The following SLC66A1 variants were observed in gnomAD, a reference collection of about 807,000 sequenced individuals.
SLC66A1 encodes the protein solute carrier family 66 member 1, also known as lysosomal amino acid transporter 1 homolog.
In SLC66A1, 23 loss-of-function variants were observed where a neutral mutation model predicts 33.0. That is an observed-to-expected ratio of 0.70 (90% confidence interval 0.50 to 0.99). SLC66A1 has a LOEUF of 0.99. Among genes scored for constraint, SLC66A1 ranks in the 50% least tolerant of loss-of-function variants. SLC66A1 has a pLI of 0.00. For synonymous variants in SLC66A1, 164 were observed against 175.5 expected (o/e 0.93, Z 0.52); for missense variants, 335 against 383.6 (o/e 0.87, Z 1.06).
chr1:19,313,218 T>A, intron 1 of SLC66A1: 1 of 985,382 alleles, frequency 1.0e-6, no homozygotes, highest in Non-Finnish European at 1.2e-6. Flanking sequence ...ATCGGGCAGG[T>A]CTGTTCCAGA....
At chr1:19,326,910 AGAG>A (rs1035936243) in intron 6 of SLC66A1, among the ~76,000 whole-genome samples, 1 of 151,042 alleles carries the variant, frequency 6.6e-6, no homozygotes, top group African/African-American at 2.4e-5. Context: ...GCCTGAGGGG[AGAG>A]GAGAAGCTGG....
rs575498436 is a variant in SLC66A1, at chr1:19,318,880, G to T, written c.164+1039G>T. On this transcript the variant is annotated intron_variant, in intron 2 of 7. Transcript: ENST00000375153. ...AAAGCCAAGGATAGGACAGCATTGGGGGTGAGAGCCAGGGGCTGAGTGTGG... is the reference window on the plus strand; with the variant it reads ...AAAGCCAAGGATAGGACAGCATTGGTGGTGAGAGCCAGGGGCTGAGTGTGG... Among the ~76,000 whole-genome samples the T allele has an allele frequency of 3.6e-4, 55 of 152,334 alleles. 2 individuals are homozygous for T. The South Asian group carries it at 0.011, about 30-fold the overall frequency.
In SLC66A1 at chr1:19,325,146, G is replaced by C. The variant is rs147157451; in HGVS notation, c.295-349G>C. Among the ~76,000 whole-genome samples, 594 of 152,346 alleles carry C rather than the reference G, an allele frequency of 3.9e-3. 1 individual carries two copies. The highest frequency in any genetic ancestry group is 6.2e-3 in the Non-Finnish European group (423 of 68,026). On this transcript the variant is annotated intron_variant, in intron 3 of 7. Transcript: ENST00000375153. Reference sequence around the variant, plus strand: ...CAGAGCTGGGGCTCCCAATCAGGAAGGCATTGTCTTCCCATGTGGGACCAG... The same window carrying C: ...CAGAGCTGGGGCTCCCAATCAGGAACGCATTGTCTTCCCATGTGGGACCAG...
chr1:19,327,538 T>TCCCTCCCC (rs2093875290), intron 7 of SLC66A1, 126 bp downstream of exon 7: 5 of 884,888 alleles, frequency 5.7e-6, no homozygotes, highest in South Asian at 3.2e-5. Flanking sequence ...CATCCCTCCC[T>TCCCTCCCC]CCCTCCCTCC....
At chr1:19,333,935 A>AAACAC (rs1553264967), downstream of SLC66A1, among the ~76,000 whole-genome samples, 3,301 of 111,326 alleles carry the variant, frequency 0.03, 208 homozygotes, top group African/African-American at 0.095. This position sits in a 1 kb window ranked among gnomAD's most constrained non-coding sequence, Gnocchi z 4.2. Context: ...AAACAAAACA[A>AAACAC]AACACAGGAA....
rs928217360 is a variant in SLC66A1, at chr1:19,312,565, A to G, written c.-403A>G. ...CCGCAGCCAGTGGCCCCCCACCTCA[A>G]AGGCGACCAGCGCGGCCTCTCGAGC... On this transcript the variant is annotated 5_prime_UTR_variant, in exon 1 of 8. Transcript: ENST00000375153. The G allele has an allele frequency of 6.5e-6, 1 of 152,764 alleles. No individual in the cohort carries two copies. The highest frequency in any genetic ancestry group is 1.5e-5 in the Non-Finnish European group (1 of 68,416). 9.5% of individuals were successfully genotyped at this position (152,764 alleles called of 1,614,324 possible). A position where few individuals can be genotyped will look rare whatever the true frequency, so the allele number is the denominator to read the frequency against.
chr1:19,313,094 C>G, intron 1 of SLC66A1: 2 of 605,978 alleles, frequency 3.3e-6, no homozygotes, highest in Non-Finnish European at 4.1e-6. Context: ...ATCGCTTGGC[C>G]TGGATTGTCT....
At chr1:19,325,041 C>T (rs1201555149) in intron 3 of SLC66A1, among the ~76,000 whole-genome samples, 2 of 152,214 alleles carry the variant, frequency 1.3e-5, no homozygotes, top group African/African-American at 4.8e-5. Flanking sequence ...GCTGGCGAAG[C>T]TTTCAGAGGG....
chr1:19,324,387 G>A (rs1448763285), intron 2 of SLC66A1, among the ~76,000 whole-genome samples: 1 of 152,222 alleles, frequency 6.6e-6, no homozygotes, highest in Non-Finnish European at 1.5e-5. Flanking sequence ...GTAAGGCTGC[G>A]GCTTTCCCTG....
chr1:19,328,840 C>T lies in SLC66A1; in HGVS notation c.*197C>T, dbSNP rs903391383. 3.2e-6 allele frequency: 2 copies of T among 620,242 alleles called. No homozygotes were observed. The highest frequency in any genetic ancestry group is 5.6e-6 in the Non-Finnish European group (2 of 355,366). The allele number at this position is 620,242 out of a possible 1,614,324, so 38.4% of individuals were successfully genotyped here. ...CTCAAGGCCGGGGCTGGAGCGGAGA[C>T]CCCAGGGCCTCTCAGGAGACAGTGA... On this transcript the variant is annotated 3_prime_UTR_variant, in exon 8 of 8. Transcript: ENST00000375153. This position sits in a 1 kb window ranked among gnomAD's most constrained non-coding sequence, Gnocchi z 4.7.
chr1:19,323,590 A>G (rs1414161007), intron 2 of SLC66A1, among the ~76,000 whole-genome samples: 3 of 151,974 alleles, frequency 2.0e-5, no homozygotes, highest in Non-Finnish European at 2.9e-5. Context: ...TATTTTTGGT[A>G]GAGATGGGGT....
At chr1:19,330,445 G>A (rs1160225457), downstream of SLC66A1, among the ~76,000 whole-genome samples, 1 of 152,180 alleles carries the variant, frequency 6.6e-6, no homozygotes, top group Admixed American at 6.6e-5. Context: ...GTCAGACACC[G>A]GGGCTGTGGT....
chr1:19,327,286 G>A lies in SLC66A1; in HGVS notation c.678G>A (p.Gly226=). The part of the protein sequence containing the change: ...SYSLFALVML[G]NTLYGLSVLL... ...CTCTGTTCGCGCTGGTGATGCTGGG[G>A]AACACGCTGTATGGGCTGAGCGTGC... The change falls in exon 7 of 8, where the codon GGG becomes GGA. Residue 226 remains glycine, a synonymous_variant. Transcript: ENST00000375153. 1 of 1,613,874 alleles carries A rather than the reference G, an allele frequency of 6.2e-7. No homozygotes were observed. The highest frequency in any genetic ancestry group is 8.5e-7 in the Non-Finnish European group (1 of 1,179,896).
intron 2 of SLC66A1, 62 bp downstream of exon 2, chr1:19,317,903 C>A: frequency 6.4e-7 from 1 of 1,572,038 alleles, no homozygotes; most frequent in South Asian, 1.2e-5. Context: ...GTGGCTCCAG[C>A]TACTGCTCAG....
Position 19,327,382 on chromosome 1 carries a change from C to T in SLC66A1, c.774C>T (p.Gly258=), listed in dbSNP as rs752709168. The T allele has an allele frequency of 6.2e-7, 1 of 1,601,904 alleles. No homozygotes were observed. Among genetic ancestry groups the T allele is most frequent in the Non-Finnish European group, 8.5e-7 (1 of 1,173,968 alleles). The part of the protein sequence containing the change: ...YLLHHLPWLV[G]SLGVLLLDTI... ...TGCACCACCTGCCCTGGCTTGTGGG[C>T]AGCCTGGGCGTGCTGCTGCTCGACA... The change falls in exon 7 of 8, where the codon GGC becomes GGT. Residue 258 remains glycine, a synonymous_variant. Coordinates refer to ENST00000375153, the MANE Select transcript of SLC66A1 (RefSeq NM_001040125.2).
Position 19,328,569 on chromosome 1 carries a change from C to G in SLC66A1, c.805-3C>G, listed in dbSNP as rs768571068. On this transcript the variant is annotated splice_polypyrimidine_tract_variant and splice_region_variant and intron_variant, in intron 7 of 7. Coordinates refer to ENST00000375153, the MANE Select transcript of SLC66A1 (RefSeq NM_001040125.2). This position sits in a 1 kb window ranked among gnomAD's most constrained non-coding sequence, Gnocchi z 4.7. ...AGCTTGGCCTTAACGGCGGCACCCC[C>G]AGATCTCCATCCAGTTCCTGGTGTA... The G allele has an allele frequency of 3.1e-6, 5 of 1,613,016 alleles. No homozygotes were observed. Among genetic ancestry groups the G allele is most frequent in the Non-Finnish European group, 2.5e-6 (3 of 1,179,756 alleles).
chr1:19,325,458 A>G (rs1225929803), intron 3 of SLC66A1, 37 bp from the exon 4 acceptor site: 2 of 1,477,390 alleles, frequency 1.4e-6, no homozygotes, highest in East Asian at 2.3e-5. Context: ...AGATCCTGGG[A>G]CTGCGCCAAC....
chr1:19,324,805 C>T, intron 3 of SLC66A1, 43 bp downstream of exon 3: 6 of 1,607,170 alleles, frequency 3.7e-6, no homozygotes, highest in Non-Finnish European at 5.1e-6. Context: ...CCTAACCCTG[C>T]TTCACCCTGC....
At chr1:19,315,795 G>A (rs1388042373) in intron 1 of SLC66A1, among the ~76,000 whole-genome samples, 6 of 152,178 alleles carry the variant, frequency 3.9e-5, no homozygotes. Context: ...AGATGGACCT[G>A]AGGCGGGTGG....
Sources: gnomAD v4.1 joint callset for allele counts (sites outside exome capture counted in the v4.1 genomes callset) on GRCh38, gnomAD v4.1.1 for gene constraint, Gnocchi (gnomAD v3.1) non-coding constraint, MANE v1.5 for transcripts, NCBI Gene and HGNC (gene_info 2026-07-23, HGNC 2026-07-21) for gene names.